The following MAD1L1 variants were observed in gnomAD, a reference collection of about 807,000 sequenced individuals.
MAD1L1 encodes the protein mitotic spindle assembly checkpoint protein MAD1.
Under a neutral mutation model 96.9 loss-of-function variants are expected in MAD1L1, and 95 were observed. The ratio of observed to expected loss-of-function variants is 0.98; its 90% CI spans 0.83 to 1.16. The LOEUF (loss-of-function observed/expected upper bound fraction) is 1.16. MAD1L1 is among the 50% of genes most tolerant of loss of function. The probability of loss-of-function intolerance (pLI) is 0.00; values close to 1 mark genes in which losing one functional copy is unlikely to be tolerated. For missense variants in MAD1L1, 1,007 were observed against 954.4 expected (o/e 1.06, Z -0.73); for synonymous variants, 473 against 396.6 (o/e 1.19, Z -2.29).
chr7:1,864,735 G>C (rs1784697975), intron 18 of MAD1L1, among the ~76,000 whole-genome samples: 2 of 152,154 alleles, frequency 1.3e-5, no homozygotes, highest in Admixed American at 1.3e-4. Flanking sequence ...CTCGTGAACA[G>C]ACTGGCCCCC....
At chr7:1,977,242 G>A (rs1272010171) in intron 15 of MAD1L1, among the ~76,000 whole-genome samples, 1 of 152,254 alleles carries the variant, frequency 6.6e-6, no homozygotes, top group African/African-American at 2.4e-5. Context: ...GCGGGCTGCA[G>A]GTCCCAAGCG....
intron 18 of MAD1L1, among the ~76,000 whole-genome samples, chr7:1,882,591 C>T (rs1350440046): frequency 6.6e-6 from 1 of 152,192 alleles, no homozygotes; most frequent in Non-Finnish European, 1.5e-5. Flanking sequence ...ACACCCGTGG[C>T]CACAGGGTCC....
intron 16 of MAD1L1, among the ~76,000 whole-genome samples, chr7:1,938,366 T>C (rs56259105): frequency 0.29 from 43,576 of 151,564 alleles, 7,399 homozygotes; most frequent in African/African-American, 0.47. Context: ...CTCCTGGGAG[T>C]AGACACAGGT....
intron 17 of MAD1L1, among the ~76,000 whole-genome samples, chr7:1,914,026 C>CA (rs201784329): frequency 7.9e-5 from 12 of 152,242 alleles, no homozygotes; most frequent in South Asian, 4.1e-4. Context: ...GGTCTCCCCC[C>CA]CCAGCACGCC....
chr7:1,974,944 C>T (rs752481616), intron 15 of MAD1L1, among the ~76,000 whole-genome samples: 3 of 152,142 alleles, frequency 2.0e-5, no homozygotes, highest in Non-Finnish European at 2.9e-5. Flanking sequence ...CCTGAGGACC[C>T]AAGCTGCAGG....
chr7:1,884,859 G>A (rs981989685), intron 18 of MAD1L1, among the ~76,000 whole-genome samples: 8 of 152,366 alleles, frequency 5.3e-5, no homozygotes, highest in African/African-American at 1.7e-4. Flanking sequence ...GGGGCAGGCC[G>A]TGGGGCAAGG....
chr7:1,949,147 G>A (rs1226644330), intron 16 of MAD1L1, among the ~76,000 whole-genome samples: 1 of 151,626 alleles, frequency 6.6e-6, no homozygotes, highest in East Asian at 2.0e-4. Flanking sequence ...CCCGGGGCAC[G>A]GCCCCTAGAG....
chr7:2,105,563 C>A (rs1296270612), intron 11 of MAD1L1, among the ~76,000 whole-genome samples: 1 of 152,108 alleles, frequency 6.6e-6, no homozygotes, highest in Non-Finnish European at 1.5e-5. Context: ...TGCCCTGAAG[C>A]CAGGAAGTAA....
At chr7:1,928,482 C>T (rs1789229547) in intron 17 of MAD1L1, among the ~76,000 whole-genome samples, 1 of 152,246 alleles carries the variant, frequency 6.6e-6, no homozygotes, top group Non-Finnish European at 1.5e-5. Flanking sequence ...TCCTGCCACA[C>T]CTGAGACTGT....
At chr7:2,062,704 T>C (rs1183607742) in intron 12 of MAD1L1, among the ~76,000 whole-genome samples, 4 of 152,212 alleles carry the variant, frequency 2.6e-5, no homozygotes, top group Admixed American at 2.6e-4. Context: ...GTCCTGGGTC[T>C]GTAATTTGTG....
chr7:1,820,018 C>T (rs981902400), intron 18 of MAD1L1, among the ~76,000 whole-genome samples: 24 of 152,058 alleles, frequency 1.6e-4, no homozygotes, highest in African/African-American at 2.9e-4. Context: ...GAAATGGAAA[C>T]GATGCTACTT....
At chr7:1,961,497 C>T (rs1268643826) in intron 15 of MAD1L1, among the ~76,000 whole-genome samples, 1 of 152,112 alleles carries the variant, frequency 6.6e-6, no homozygotes, top group Non-Finnish European at 1.5e-5. Flanking sequence ...AACTCTTCAA[C>T]AAATGGTTCT....
At chr7:2,077,971 G>A (rs749132994) in intron 11 of MAD1L1, among the ~76,000 whole-genome samples, 22 of 152,282 alleles carry the variant, frequency 1.4e-4, no homozygotes, top group Middle Eastern at 3.4e-3. Context: ...ATACTCTCCC[G>A]GAAGGCCAGG....
intron 14 of MAD1L1, among the ~76,000 whole-genome samples, chr7:1,998,880 T>TC (rs974390145): frequency 2.3e-5 from 2 of 87,694 alleles, no homozygotes; most frequent in Admixed American, 1.2e-4. Flanking sequence ...GTCCACAGAG[T>TC]CCCCTAACCC....
intron 10 of MAD1L1, among the ~76,000 whole-genome samples, chr7:2,202,269 A>G (rs1034886631): frequency 1.4e-4 from 21 of 152,248 alleles, no homozygotes; most frequent in Admixed American, 1.3e-3. Context: ...CAAGGCAGAA[A>G]GCGGCCAGGA....
intron 10 of MAD1L1, among the ~76,000 whole-genome samples, chr7:2,158,539 G>A (rs1260331415): frequency 6.6e-6 from 1 of 152,254 alleles, no homozygotes; most frequent in Non-Finnish European, 1.5e-5. Flanking sequence ...GACACAGGCT[G>A]TCTCTGCAGG....
rs370337293 is a variant in MAD1L1, at chr7:2,014,490, G to A, written c.1359+12C>T. The A allele has an allele frequency of 8.2e-5, 127 of 1,556,504 alleles. No individual in the cohort carries two copies. Among genetic ancestry groups the A allele is most frequent in the Middle Eastern group, 2.0e-4 (1 of 4,958 alleles). ...ACCTGGCGACGTGAGCCCCACGCCCGCGGCCCCTCACCTCCATCTCGGCGC... is the reference window on the plus strand; with the variant it reads ...ACCTGGCGACGTGAGCCCCACGCCCACGGCCCCTCACCTCCATCTCGGCGC... On this transcript the variant is annotated intron_variant, in intron 13 of 18. Coordinates refer to ENST00000265854, the MANE Select transcript of MAD1L1 (RefSeq NM_001013836.2).
In MAD1L1 at chr7:1,851,802, C is replaced by T. The variant is rs985557693; in HGVS notation, c.1999-35574G>A. ...GCAGGCGCAGAAGGGCCTAACTGATCTGTGACGCCTGCCTGCCAAAGGCCA... is the reference window on the plus strand; with the variant it reads ...GCAGGCGCAGAAGGGCCTAACTGATTTGTGACGCCTGCCTGCCAAAGGCCA... On this transcript the variant is annotated intron_variant, in intron 18 of 18. Transcript: ENST00000265854. 3.9e-5 allele frequency among the ~76,000 whole-genome samples: 6 copies of T among 152,308 alleles called. No individual in the cohort carries two copies. The South Asian group carries it at 8.3e-4, about 21-fold the overall frequency.
intron 11 of MAD1L1, among the ~76,000 whole-genome samples, chr7:2,074,742 C>T (rs113058947): frequency 1.2e-3 from 186 of 152,314 alleles, no homozygotes; most frequent in East Asian, 4.8e-3. Context: ...TGTGGAGCTG[C>T]GAGGCAACAA....
Sources: allele counts gnomAD v4.1 joint callset (sites outside exome capture counted in the v4.1 genomes callset), GRCh38; gene constraint gnomAD v4.1.1; transcripts MANE v1.5; gene names NCBI Gene and HGNC (gene_info 2026-07-23, HGNC 2026-07-21).